Variants in POMGNT2 observed in about 807,000 individuals in gnomAD.
POMGNT2 encodes the protein protein O-linked mannose N-acetylglucosaminyltransferase 2 (beta 1,4-).
POMGNT2 carries 32 observed loss-of-function variants against 37.8 expected under a neutral mutation model. That is an observed-to-expected ratio of 0.85 (90% CI 0.64 to 1.14). POMGNT2 has a LOEUF of 1.14. Ranked by LOEUF, POMGNT2 falls within the 50% of genes most tolerant of loss-of-function variation. The pLI is 0.00. For synonymous variants in POMGNT2, 340 were observed against 336.8 expected, an observed-to-expected ratio of 1.01 and a Z score of -0.10; for missense variants, 705 against 780.6, an observed-to-expected ratio of 0.90 and a Z score of 1.15.
In POMGNT2 at chr3:43,081,499, C is replaced by A; in HGVS notation, c.-68G>T. The A allele has an allele frequency of 1.5e-6, 2 of 1,332,702 alleles. No individual in the cohort carries two copies. Among genetic ancestry groups the A allele is most frequent in the South Asian group, 1.5e-5 (1 of 66,402 alleles). 82.6% of individuals were successfully genotyped at this position (1,332,702 alleles called of 1,614,324 possible). A position where few individuals can be genotyped will look rare whatever the true frequency, so the allele number is the denominator to read the frequency against. ...GAAGCACCACAGGCCAGGCAGGCTT[C>A]ACCCATCCCTATGGGCATCCTGAGA... On this transcript the variant is annotated 5_prime_UTR_variant, in exon 2 of 2. An upstream open reading frame in the 5' UTR gains an earlier in-frame stop. Coordinates refer to ENST00000344697, the MANE Select transcript of POMGNT2 (RefSeq NM_032806.6).
At chr3:43,089,463 C>T (rs2089925336) in intron 1 of POMGNT2, among the ~76,000 whole-genome samples, 1 of 152,152 alleles carries the variant, frequency 6.6e-6, no homozygotes, top group Non-Finnish European at 1.5e-5. Flanking sequence ...GGTGTGATGC[C>T]AGATCAAGGA....
rs2089826136 is a variant in POMGNT2, at chr3:43,079,562, C to G, written c.*127G>C. The G allele has an allele frequency of 1.2e-6, 1 of 815,974 alleles. No homozygotes were observed. 50.5% of individuals were successfully genotyped at this position (815,974 alleles called of 1,614,324 possible). ...CTGTGACACCACACCCCAGAGACAA[C>G]AAGATGATGTGGAGGCACAGGCCTG... On this transcript the variant is annotated 3_prime_UTR_variant, in exon 2 of 2. Coordinates refer to ENST00000344697, the MANE Select transcript of POMGNT2 (RefSeq NM_032806.6).
chr3:43,097,485 GA>G (rs1038472509), intron 1 of POMGNT2, among the ~76,000 whole-genome samples: 3 of 152,024 alleles, frequency 2.0e-5, no homozygotes, highest in Non-Finnish European at 4.4e-5. Flanking sequence ...GGAGGGAGGA[GA>G]GGGGCAGGTG....
At chr3:43,091,800 CCAA>C (rs1559418592) in intron 1 of POMGNT2, among the ~76,000 whole-genome samples, 1 of 152,150 alleles carries the variant, frequency 6.6e-6, no homozygotes, top group African/African-American at 2.4e-5. Context: ...GTTTTCTTGC[CCAA>C]AATGCGTAAC....
intron 1 of POMGNT2, among the ~76,000 whole-genome samples, chr3:43,097,842 G>C (rs1233570804): frequency 2.0e-5 from 3 of 152,228 alleles, no homozygotes; most frequent in East Asian, 3.8e-4. Context: ...ACCAAGGCCT[G>C]GGGCTGCTGG....
At position 43,081,218 on chromosome 3, in the gene POMGNT2, G is replaced by A. The variant is rs759054257; in HGVS notation, c.214C>T (p.Arg72Cys). The A allele has an allele frequency of 1.5e-5, 25 of 1,613,912 alleles. No homozygotes were observed. Among genetic ancestry groups the A allele is most frequent in the African/African-American group, 6.7e-5 (5 of 74,938 alleles). The change falls in exon 2 of 2, where the codon CGC (arginine) becomes TGC (cysteine). Residue 72 changes from arginine (R) to cysteine (C), a missense_variant. Transcript: ENST00000344697. ...CGGCAGATGCGGTCTGTGTGCGTGCGGCCCGTGCACACCATGTGTGTGCCG... is the reference window on the plus strand; with the variant it reads ...CGGCAGATGCGGTCTGTGTGCGTGCAGCCCGTGCACACCATGTGTGTGCCG... ...EGGTHMVCTGRTHTDRICRFK... is the reference protein window; with the variant it reads ...EGGTHMVCTGCTHTDRICRFK...
At position 43,082,045 on chromosome 3, in the gene POMGNT2, C is replaced by A. The variant is rs2089860968; in HGVS notation, c.-105-509G>T. On this transcript the variant is annotated intron_variant, in intron 1 of 1. Coordinates refer to ENST00000344697, the MANE Select transcript of POMGNT2 (RefSeq NM_032806.6). ...CAAACGCAGCCAAGATCAGCCAACA[C>A]ATAGACATCAGGGCTGAGCAACAGC... Among the ~76,000 whole-genome samples, 4 of 152,340 alleles carry A rather than the reference C, an allele frequency of 2.6e-5. 1 individual carries two copies. Among genetic ancestry groups the A allele is most frequent in the Admixed American group, 2.0e-4 (3 of 15,310 alleles).
chr3:43,080,993 C>A lies in POMGNT2; in HGVS notation c.439G>T (p.Val147Leu), dbSNP rs746938365. 2 of 1,614,092 alleles carry A rather than the reference C, an allele frequency of 1.2e-6. No homozygotes were observed. Among genetic ancestry groups the A allele is most frequent in the Non-Finnish European group, 1.7e-6 (2 of 1,180,052 alleles). Residue 147 changes from valine (V) to leucine (L), a missense_variant, in exon 2 of 2, where the codon GTG becomes TTG. By Grantham distance (32) the Val-to-Leu change is conservative. Coordinates refer to ENST00000344697, the MANE Select transcript of POMGNT2 (RefSeq NM_032806.6). ...AAALRFMPKP[V>L]FVPDVALIAN... ...ATGAGGGCCACGTCTGGCACGAACA[C>A]CGGCTTGGGCATGAAGCGCAGGGCA...
intron 1 of POMGNT2, among the ~76,000 whole-genome samples, chr3:43,082,172 C>A (rs1158713569): frequency 6.6e-6 from 1 of 152,222 alleles, no homozygotes; most frequent in Non-Finnish European, 1.5e-5. Context: ...ATAGGAAAAT[C>A]CCTTGCAGGG....
intron 1 of POMGNT2, among the ~76,000 whole-genome samples, chr3:43,089,592 T>A (rs1164817179): frequency 6.6e-6 from 1 of 151,896 alleles, no homozygotes; most frequent in East Asian, 1.9e-4. Context: ...AAGCTCAGAG[T>A]CTCCCCATTT....
chr3:43,081,729 G>A (rs1386993466), intron 1 of POMGNT2, among the ~76,000 whole-genome samples, 193 bp from the exon 2 acceptor site: 6 of 152,164 alleles, frequency 3.9e-5, no homozygotes, highest in South Asian at 2.1e-4. Flanking sequence ...CCTCCCCATC[G>A]CCTCCATGTT....
chr3:43,082,507 T>C (rs1393022464), intron 1 of POMGNT2, among the ~76,000 whole-genome samples: 1 of 152,168 alleles, frequency 6.6e-6, no homozygotes, highest in Non-Finnish European at 1.5e-5. Context: ...CCCTCTCCCA[T>C]ATACACACAC....
intron 1 of POMGNT2, among the ~76,000 whole-genome samples, chr3:43,097,095 G>C (rs898688293): frequency 1.3e-5 from 2 of 152,160 alleles, no homozygotes; most frequent in African/African-American, 4.8e-5. Flanking sequence ...TGTACTTCTG[G>C]GGGCCCTGGC....
rs148890110 is a variant in POMGNT2 at position 43,079,692 on chromosome 3, C to A, written c.1740G>T (p.Thr580=). 1 of 1,610,310 alleles carries A rather than the reference C, an allele frequency of 6.2e-7. No homozygotes were observed. Reference sequence around the variant, plus strand: ...AGGCCAGGCTGTGGCCTGCTCGCTACGTGTTGCACACCAGCACATCTGCAA... The same window carrying A: ...AGGCCAGGCTGTGGCCTGCTCGCTAAGTGTTGCACACCAGCACATCTGCAA... The part of the protein sequence containing the change: ...GPFADVLVCN[T] The change falls in exon 2 of 2, where the codon ACG becomes ACT. Residue 580 remains threonine (T), a synonymous_variant. Coordinates refer to ENST00000344697, the MANE Select transcript of POMGNT2 (RefSeq NM_032806.6).
chr3:43,086,415 C>A (rs983673556), intron 1 of POMGNT2, among the ~76,000 whole-genome samples: 4 of 152,188 alleles, frequency 2.6e-5, no homozygotes, highest in African/African-American at 9.7e-5. Context: ...AGTGAGCAGC[C>A]TACATGTTAG....
At position 43,080,156 on chromosome 3, in the gene POMGNT2, G is replaced by A. The variant is rs375062544; in HGVS notation, c.1276C>T (p.Leu426=). The stretch of plus-strand genomic sequence containing the variant: ...TGCCGTGGGACCTCACGGCTTTGCA[G>A]GATACGGGCTTGCTCAGCCCGGTCC... The part of the protein sequence containing the change: ...HLDRAEQARI[L]QSREVPRHLC... The change falls in exon 2 of 2, where the codon CTG becomes TTG. Residue 426 remains leucine (L), a synonymous_variant. Transcript: ENST00000344697. 1.1e-5 allele frequency: 17 copies of A among 1,613,874 alleles called. No individual in the cohort carries two copies. In the African/African-American group the frequency reaches 2.1e-4, roughly 20 times the overall value.
chr3:43,104,485 G>A (rs558159116), intron 1 of POMGNT2, among the ~76,000 whole-genome samples: 13 of 152,274 alleles, frequency 8.5e-5, no homozygotes, highest in Admixed American at 6.5e-4. Context: ...CCAGCACCAT[G>A]CCCTCCTTTC....
At position 43,081,196 on chromosome 3, in the gene POMGNT2, C is replaced by G; in HGVS notation, c.236G>C (p.Cys79Ser). ...GGAGTAGCAGAGCCACTTGAAGCGG[C>G]AGATGCGGTCTGTGTGCGTGCGGCC... ...CTGRTHTDRI[C>S]RFKWLCYSNE... Residue 79 changes from cysteine (C) to serine (S), a missense_variant, in exon 2 of 2, where the codon TGC becomes TCC. Physicochemically the swap from Cys to Ser is moderately radical, Grantham distance 112. Coordinates refer to ENST00000344697, the MANE Select transcript of POMGNT2 (RefSeq NM_032806.6). 6.2e-7 allele frequency: 1 copy of G among 1,614,176 alleles called. No individual in the cohort carries two copies. Among genetic ancestry groups the G allele is most frequent in the Non-Finnish European group, 8.5e-7 (1 of 1,180,038 alleles).
chr3:43,081,540 C>G lies in POMGNT2; in HGVS notation c.-105-4G>C. On this transcript the variant is annotated splice_polypyrimidine_tract_variant and splice_region_variant and intron_variant, in intron 1 of 1. Coordinates refer to ENST00000344697, the MANE Select transcript of POMGNT2 (RefSeq NM_032806.6). ...CATCCTGAGAACTGGTGAAAGCCTG[C>G]AGGAGGAGAGAAGGAAAAGAAAAAG... The G allele has an allele frequency of 1.1e-6, 1 of 942,214 alleles. No homozygotes were observed. Among genetic ancestry groups the G allele is most frequent in the African/African-American group, 1.7e-5 (1 of 60,450 alleles). The allele number at this position is 942,214 out of a possible 1,614,324, so 58.4% of individuals were successfully genotyped here.
Sources: allele counts gnomAD v4.1 joint callset (sites outside exome capture counted in the v4.1 genomes callset), GRCh38; gene constraint gnomAD v4.1.1; transcripts MANE v1.5; gene names NCBI Gene and HGNC (gene_info 2026-07-23, HGNC 2026-07-21).